The following TMEM132D variants were observed in gnomAD, a reference collection of about 807,000 sequenced individuals.
TMEM132D encodes the protein transmembrane protein 132D.
Under a neutral mutation model 62.3 loss-of-function variants are expected in TMEM132D, and 21 were observed. The observed-to-expected ratio is 0.34, with a 90% CI of 0.24 to 0.49. The LOEUF is 0.49. Ranked by LOEUF, TMEM132D falls within the 20% of genes least tolerant of loss-of-function variation. The pLI, the probability that TMEM132D is intolerant of heterozygous loss-of-function variation, is 0.99. For missense variants in TMEM132D, 1,346 were observed against 1,402.8 expected (o/e 0.96, Z 0.65); for synonymous variants, 621 against 575.6 (o/e 1.08, Z -1.13).
chr12:129,738,641 G>A (rs1053793816), intron 1 of TMEM132D, among the ~76,000 whole-genome samples: 1 of 152,194 alleles, frequency 6.6e-6, no homozygotes, highest in African/African-American at 2.4e-5. Context: ...CTTGGAGATA[G>A]AGCCAGCTGT....
chr12:129,893,437 C>T (rs1874998668), intron 1 of TMEM132D, among the ~76,000 whole-genome samples: 1 of 133,378 alleles, frequency 7.5e-6, no homozygotes, highest in Non-Finnish European at 1.6e-5. Flanking sequence ...CATCCATTCA[C>T]AGGACCTTCC....
chr12:129,284,212 C>G (rs1881232929), intron 4 of TMEM132D, among the ~76,000 whole-genome samples: 1 of 152,332 alleles, frequency 6.6e-6, no homozygotes, highest in Non-Finnish European at 1.5e-5. Flanking sequence ...TGGCTCAGCT[C>G]ACAGCTGGCA....
At chr12:129,630,362 T>A (rs1418216557) in intron 2 of TMEM132D, among the ~76,000 whole-genome samples, 1 of 152,126 alleles carries the variant, frequency 6.6e-6, no homozygotes, top group East Asian at 1.9e-4. Context: ...TGAGTAGATA[T>A]CTCACCATCA....
intron 4 of TMEM132D, among the ~76,000 whole-genome samples, chr12:129,230,217 TC>T (rs1239701695): frequency 6.7e-6 from 1 of 150,192 alleles, no homozygotes; most frequent in Non-Finnish European, 1.5e-5. Context: ...CTCTGCTACT[TC>T]CCCAGCCTGG....
chr12:129,480,592 A>G lies in TMEM132D; in HGVS notation c.1115+50467T>C, dbSNP rs186089093. 1.5e-3 allele frequency among the ~76,000 whole-genome samples: 231 copies of G among 152,338 alleles called. 1 individual carries two copies. Among genetic ancestry groups the G allele is most frequent in the African/African-American group, 5.3e-3 (222 of 41,576 alleles). On this transcript the variant is annotated intron_variant, in intron 3 of 8. Coordinates refer to ENST00000422113, the MANE Select transcript of TMEM132D (RefSeq NM_133448.3). ...TGCAGTAATAGGGACGTTCTCTAGC[A>G]TATGACCATCTGGTTCTGAGTCATA...
chr12:129,635,284 T>C (rs1044175067), intron 2 of TMEM132D, among the ~76,000 whole-genome samples: 1 of 152,216 alleles, frequency 6.6e-6, no homozygotes, highest in Non-Finnish European at 1.5e-5. Flanking sequence ...TCTCTCTCTT[T>C]TTTGAGAGCT....
At chr12:129,752,216 T>C (rs1482219032) in intron 1 of TMEM132D, among the ~76,000 whole-genome samples, 1 of 152,064 alleles carries the variant, frequency 6.6e-6, no homozygotes, top group Non-Finnish European at 1.5e-5. Flanking sequence ...GTGCAATGTT[T>C]ACAATTTCAC....
At chr12:129,398,662 A>G (rs1871503602) in intron 3 of TMEM132D, among the ~76,000 whole-genome samples, 2 of 152,208 alleles carry the variant, frequency 1.3e-5, no homozygotes, top group Admixed American at 1.3e-4. Flanking sequence ...ATTGTAGTAA[A>G]TATTATAGCT....
chr12:129,634,347 A>T (rs554276934), intron 2 of TMEM132D, among the ~76,000 whole-genome samples: 1 of 151,714 alleles, frequency 6.6e-6, no homozygotes, highest in South Asian at 2.1e-4. Context: ...GGTGGCCTGC[A>T]CCTGTGGTCC....
chr12:129,830,336 C>T (rs548871067), intron 1 of TMEM132D, among the ~76,000 whole-genome samples: 1 of 152,218 alleles, frequency 6.6e-6, no homozygotes, highest in East Asian at 1.9e-4. Flanking sequence ...CTTGGGCCCT[C>T]AAAATCACTA....
At chr12:129,518,466 T>C (rs1445758036) in intron 3 of TMEM132D, among the ~76,000 whole-genome samples, 1 of 151,940 alleles carries the variant, frequency 6.6e-6, no homozygotes, top group Non-Finnish European at 1.5e-5. Flanking sequence ...AAAATTGTGT[T>C]CTATTTCACT....
At chr12:129,195,752 A>C (rs1158818543) in intron 5 of TMEM132D, among the ~76,000 whole-genome samples, 4 of 152,188 alleles carry the variant, frequency 2.6e-5, no homozygotes, top group Non-Finnish European at 5.9e-5. Flanking sequence ...GTGGCCACAG[A>C]ACTAAAAAGC....
intron 5 of TMEM132D, among the ~76,000 whole-genome samples, chr12:129,087,964 G>A (rs61944790): frequency 0.47 from 25,185 of 53,892 alleles, 6,008 homozygotes; most frequent in South Asian, 0.63. Context: ...CCTGACCGGG[G>A]TGTCCTCCAT....
intron 4 of TMEM132D, among the ~76,000 whole-genome samples, chr12:129,215,808 G>A (rs564271524): frequency 7.2e-5 from 11 of 152,314 alleles, no homozygotes; most frequent in South Asian, 4.1e-4. Flanking sequence ...CAGTCATGGC[G>A]GAAGGTGAGG....
chr12:129,616,963 T>G lies in TMEM132D; in HGVS notation c.968+82847A>C, dbSNP rs560456248. Among the ~76,000 whole-genome samples the G allele has an allele frequency of 4.8e-4, 73 of 152,272 alleles. 1 individual carries two copies. The highest frequency in any genetic ancestry group is 1.7e-3 in the African/African-American group (72 of 41,562). ...TCGCTGTTGTATATTTGTTTGTGGG[T>G]TTTTGTTTCATTTTGTTTTTTGTTT... On this transcript the variant is annotated intron_variant, in intron 2 of 8. Transcript: ENST00000422113.
chr12:129,424,527 C>T (rs1872431973), intron 3 of TMEM132D, among the ~76,000 whole-genome samples: 1 of 151,762 alleles, frequency 6.6e-6, no homozygotes, highest in Non-Finnish European at 1.5e-5. Context: ...GGTGAAACCC[C>T]GTCTCTACTC....
At chr12:129,202,474 T>G (rs1435255275) in intron 5 of TMEM132D, among the ~76,000 whole-genome samples, 2 of 151,612 alleles carry the variant, frequency 1.3e-5, no homozygotes, top group Non-Finnish European at 2.9e-5. Context: ...TGCTGTGAGG[T>G]TTTTCATTTT....
In TMEM132D at chr12:129,267,563, C is replaced by A. The variant is rs143595090; in HGVS notation, c.1300-57900G>T. Among the ~76,000 whole-genome samples, 1,397 of 152,288 alleles carry A rather than the reference C, an allele frequency of 9.2e-3. 13 individuals are homozygous for A. Among genetic ancestry groups the A allele is most frequent in the African/African-American group, 0.028 (1,184 of 41,558 alleles). ...CAAACAAATGGAAGAACATTCCATG[C>A]TCATGGATAGTAAGAATCAATATAG... On this transcript the variant is annotated intron_variant, in intron 4 of 8. Transcript: ENST00000422113.
At chr12:129,846,312 C>A (rs55690702) in intron 1 of TMEM132D, among the ~76,000 whole-genome samples, 18,860 of 152,180 alleles carry the variant, frequency 0.12, 1,793 homozygotes, top group East Asian at 0.52. Context: ...ATGCCTTTAG[C>A]ATCTCTTTCA....
Sources: gnomAD v4.1 joint callset for allele counts (sites outside exome capture counted in the v4.1 genomes callset) on GRCh38, gnomAD v4.1.1 for gene constraint, MANE v1.5 for transcripts, NCBI Gene and HGNC (gene_info 2026-07-23, HGNC 2026-07-21) for gene names.